CFDP1: variants seen among roughly 807,000 people sequenced by gnomAD.
The protein encoded by CFDP1 is heterochromatin-stabilizing protein CFDP1.
Under a neutral mutation model 40.1 loss-of-function variants are expected in CFDP1, and 31 were observed. That is an observed-to-expected ratio of 0.77 (90% CI 0.58 to 1.04). CFDP1 has a LOEUF of 1.04. Ranked by LOEUF, CFDP1 falls within the 50% of genes least tolerant of loss-of-function variation. CFDP1 has a pLI of 0.00. For missense variants in CFDP1, 423 were observed against 343.4 expected (o/e 1.23, Z -1.83); for synonymous variants, 167 against 120.0 (o/e 1.39, Z -2.56).
intron 5 of CFDP1, among the ~76,000 whole-genome samples, chr16:75,337,993 C>G (rs972665199): frequency 6.6e-6 from 1 of 152,190 alleles, no homozygotes; most frequent in Non-Finnish European, 1.5e-5. Flanking sequence ...AGCCAATCAA[C>G]TTTGTCTTTC....
intron 6 of CFDP1, chr16:75,302,002 T>A (rs1479924306): frequency 6.6e-6 from 1 of 152,260 alleles, no homozygotes; most frequent in Non-Finnish European, 1.5e-5. Flanking sequence ...AGCCAGTAGA[T>A]CTGCACTGGA....
intron 5 of CFDP1, among the ~76,000 whole-genome samples, chr16:75,354,230 G>A (rs1438266730): frequency 2.6e-5 from 4 of 152,176 alleles, no homozygotes; most frequent in Non-Finnish European, 5.9e-5. Context: ...TGAATTAAAT[G>A]CATTTTCAAC....
At chr16:75,305,825 G>C (rs2078253053) in intron 5 of CFDP1, among the ~76,000 whole-genome samples, 1 of 152,158 alleles carries the variant, frequency 6.6e-6, no homozygotes, top group Non-Finnish European at 1.5e-5. Flanking sequence ...TAACTCCTGT[G>C]AGTTGGGCCC....
intron 5 of CFDP1, among the ~76,000 whole-genome samples, chr16:75,359,343 G>A (rs763898820): frequency 2.0e-5 from 3 of 152,054 alleles, no homozygotes; most frequent in South Asian, 4.1e-4. Flanking sequence ...ACATGCACAC[G>A]AGCCTCTTTT....
At chr16:75,323,763 G>C (rs1395695921) in intron 5 of CFDP1, among the ~76,000 whole-genome samples, 9 of 143,978 alleles carry the variant, frequency 6.3e-5, no homozygotes, top group Non-Finnish European at 1.1e-4. Context: ...TGGGCAACAA[G>C]AGCGAAGCTC....
Position 75,433,287 on chromosome 16 carries a change from AC to A in CFDP1, c.64+1del. 6.3e-7 allele frequency: 1 copy of A among 1,596,758 alleles called. No individual in the cohort carries two copies. Among genetic ancestry groups the A allele is most frequent in the East Asian group, 2.3e-5 (1 of 44,270 alleles). ...CTTCTCGCCTCAGGCGGAATCGCTC[AC>A]CCGACGGCACGTAGTCCTCGTCCTC... On this transcript the variant is annotated splice_donor_variant, in intron 1 of 6. Coordinates refer to ENST00000283882, the MANE Select transcript of CFDP1 (RefSeq NM_006324.3). LOFTEE classifies it high-confidence loss of function.
At chr16:75,406,087 A>G (rs1431753064) in intron 4 of CFDP1, among the ~76,000 whole-genome samples, 2 of 151,918 alleles carry the variant, frequency 1.3e-5, no homozygotes, top group Non-Finnish European at 2.9e-5. Context: ...ACAAAAAAAT[A>G]AAATAGGCCA....
chr16:75,382,749 T>C (rs553841181), intron 5 of CFDP1, among the ~76,000 whole-genome samples: 1 of 152,336 alleles, frequency 6.6e-6, no homozygotes, highest in African/African-American at 2.4e-5. Flanking sequence ...AGAGCATTTT[T>C]GTACATGATA....
At chr16:75,318,056 G>C (rs986020449) in intron 5 of CFDP1, among the ~76,000 whole-genome samples, 1 of 152,126 alleles carries the variant, frequency 6.6e-6, no homozygotes, top group Admixed American at 6.5e-5. Context: ...GGGAGGCAGA[G>C]GTTGCAGTGT....
chr16:75,427,543 G>A (rs1018919085), intron 1 of CFDP1, among the ~76,000 whole-genome samples: 23 of 152,032 alleles, frequency 1.5e-4, no homozygotes, highest in Middle Eastern at 3.2e-3. Context: ...GAGCCACCGC[G>A]CTCGGCCCCA....
At chr16:75,299,466 G>C (rs2078206944) in intron 6 of CFDP1, among the ~76,000 whole-genome samples, 1 of 151,772 alleles carries the variant, frequency 6.6e-6, no homozygotes, top group East Asian at 1.9e-4. Context: ...GTGGTGGCGG[G>C]CGCCTGTAGT....
At chr16:75,307,349 G>A (rs2078265827) in intron 5 of CFDP1, among the ~76,000 whole-genome samples, 1 of 151,936 alleles carries the variant, frequency 6.6e-6, no homozygotes, top group South Asian at 2.1e-4. Flanking sequence ...CCAAGTAGCT[G>A]GGATTACAGG....
chr16:75,398,751 G>T (rs247438), intron 4 of CFDP1, among the ~76,000 whole-genome samples: 1 of 150,456 alleles, frequency 6.6e-6, no homozygotes, highest in East Asian at 2.0e-4. Flanking sequence ...GGCATCAGAC[G>T]TGGGAGTAAG....
chr16:75,337,535 G>A (rs2078498110), intron 5 of CFDP1, among the ~76,000 whole-genome samples: 1 of 152,180 alleles, frequency 6.6e-6, no homozygotes, highest in Non-Finnish European at 1.5e-5. Flanking sequence ...ACCAGAGACT[G>A]GATAATTTAT....
chr16:75,359,158 T>G (rs2078665405), intron 5 of CFDP1, among the ~76,000 whole-genome samples: 3 of 152,228 alleles, frequency 2.0e-5, no homozygotes, highest in Non-Finnish European at 4.4e-5. Context: ...CTATCTTCGA[T>G]TAAGCGAGAT....
chr16:75,361,302 C>A (rs1224445001), intron 5 of CFDP1, among the ~76,000 whole-genome samples: 1 of 152,198 alleles, frequency 6.6e-6, no homozygotes, highest in Admixed American at 6.5e-5. Flanking sequence ...TGAGTAACCA[C>A]ACCCAGGCAA....
At chr16:75,371,206 C>T (rs2078748898) in intron 5 of CFDP1, among the ~76,000 whole-genome samples, 1 of 152,118 alleles carries the variant, frequency 6.6e-6, no homozygotes, top group Non-Finnish European at 1.5e-5. Flanking sequence ...AACTTTTTAC[C>T]CTCTAAATGC....
At chr16:75,414,877 A>G (rs753175906) in intron 1 of CFDP1, among the ~76,000 whole-genome samples, 182 bp from the exon 2 acceptor site, 8 of 152,056 alleles carry the variant, frequency 5.3e-5, no homozygotes, top group Non-Finnish European at 1.2e-4. Context: ...CCTGAAGACT[A>G]CCCTACGTTC....
intron 5 of CFDP1, among the ~76,000 whole-genome samples, chr16:75,381,436 G>T (rs1387983157): frequency 6.6e-6 from 1 of 152,192 alleles, no homozygotes. Context: ...AGAGTTAAAA[G>T]GACTCATTGG....
Sources: gnomAD v4.1 joint callset for allele counts (sites outside exome capture counted in the v4.1 genomes callset) on GRCh38, gnomAD v4.1.1 for gene constraint, MANE v1.5 for transcripts, NCBI Gene and HGNC (gene_info 2026-07-23, HGNC 2026-07-21) for gene names.